Variants in SNRNP70 observed in about 807,000 individuals in gnomAD.
SNRNP70 encodes the protein U1 small nuclear ribonucleoprotein 70 kDa.
A neutral mutation model predicts 50.5 loss-of-function variants in SNRNP70; 8 were observed. That is an observed-to-expected ratio of 0.16 (90% CI 0.09 to 0.29). SNRNP70 has a LOEUF of 0.29. Among genes scored for constraint, SNRNP70 ranks in the 10% least tolerant of loss-of-function variants. SNRNP70 has a pLI of 1.00. For synonymous variants in SNRNP70, 320 were observed against 252.9 expected, an observed-to-expected ratio of 1.27 and a Z score of -2.52; for missense variants, 529 against 663.5, an observed-to-expected ratio of 0.80 and a Z score of 2.23.
At chr19:49,095,036 G>T (rs945254995) in intron 4 of SNRNP70, among the ~76,000 whole-genome samples, 1 of 152,256 alleles carries the variant, frequency 6.6e-6, no homozygotes, top group Non-Finnish European at 1.5e-5. Context: ...GCACGCATAC[G>T]CTGGCTGTGG....
chr19:49,097,560 T>C (rs1047816637), intron 4 of SNRNP70, among the ~76,000 whole-genome samples: 39 of 152,194 alleles, frequency 2.6e-4, no homozygotes, highest in Admixed American at 2.2e-3. Flanking sequence ...CCTTTTCTCA[T>C]GCTCTCCCAG....
At chr19:49,094,174 G>C (rs1450301641) in intron 4 of SNRNP70, among the ~76,000 whole-genome samples, 6 of 152,066 alleles carry the variant, frequency 3.9e-5, no homozygotes. Flanking sequence ...AAAAGCCTTT[G>C]TTAGAGACCA....
In SNRNP70 at chr19:49,085,768, C is replaced by T. The variant is rs556749621; in HGVS notation, c.-11+132C>T. ...CCCGCCACAGGTCCCTTCTGCATCC[C>T]TTTCCCGGACCCCGAAATCTCTGGG... On this transcript the variant is annotated intron_variant, in intron 1 of 9. Coordinates refer to ENST00000598441, the MANE Select transcript of SNRNP70 (RefSeq NM_003089.6). 36 of 395,064 alleles carry T rather than the reference C, an allele frequency of 9.1e-5. 1 individual carries two copies. The highest frequency in any genetic ancestry group is 5.6e-4 in the South Asian group (32 of 56,918). The allele number at this position is 395,064 out of a possible 1,614,324, so 24.5% of individuals were successfully genotyped here. A position where few individuals can be genotyped will look rare whatever the true frequency, so the allele number is the denominator to read the frequency against.
At chr19:49,092,889 T>C (rs79009280) in intron 4 of SNRNP70, among the ~76,000 whole-genome samples, 4,525 of 141,798 alleles carry the variant, frequency 0.032, 95 homozygotes, top group Middle Eastern at 0.066. Flanking sequence ...TGTCAGCCAT[T>C]GTGCTCAGCC....
Position 49,104,741 on chromosome 19 carries a change from C to A in SNRNP70, c.577+6C>A. On this transcript the variant is annotated splice_donor_region_variant and intron_variant, in intron 8 of 9. Coordinates refer to ENST00000598441, the MANE Select transcript of SNRNP70 (RefSeq NM_003089.6). This position sits in a 1 kb window ranked among gnomAD's most constrained non-coding sequence, Gnocchi z 5.4. ...CTGGAGGCCCCGGCGGCTAGGTGAG[C>A]ACATCCTGCCTTCGACGGGCTCTCG... 1 of 1,533,996 alleles carries A rather than the reference C, an allele frequency of 6.5e-7. No homozygotes were observed. Among genetic ancestry groups the A allele is most frequent in the Non-Finnish European group, 8.8e-7 (1 of 1,137,352 alleles).
intron 2 of SNRNP70, among the ~76,000 whole-genome samples, chr19:49,088,195 G>C (rs1204486504): frequency 1.4e-5 from 2 of 139,968 alleles, no homozygotes; most frequent in East Asian, 4.1e-4. Context: ...CTGGGAGCCA[G>C]GTACTTTTTT....
intron 4 of SNRNP70, among the ~76,000 whole-genome samples, chr19:49,091,979 A>G (rs112154162): frequency 6.6e-6 from 1 of 152,122 alleles, no homozygotes; most frequent in African/African-American, 2.4e-5. Flanking sequence ...ACCAAGACCT[A>G]TTTGTGTTAT....
At position 49,108,327 on chromosome 19, in the gene SNRNP70, G is replaced by A. The variant is rs754918904; in HGVS notation, c.1198G>A (p.Asp400Asn). ...GGCCCGAGGTGGGGGCGGTGGCCAGGACAACGGGCTGGAGGGTCTGGGCAA... is the reference window on the plus strand; with the variant it reads ...GGCCCGAGGTGGGGGCGGTGGCCAGAACAACGGGCTGGAGGGTCTGGGCAA... ...DEARGGGGGQ[D>N]NGLEGLGNDS... Residue 400 changes from aspartate (D) to asparagine (N), a missense_variant, in exon 10 of 10, where the codon GAC (aspartate) becomes AAC (asparagine). Around this residue, in one of 4 missense-constraint regions of SNRNP70, gnomAD observed 327 missense variants for 308.8 expected, o/e 1.06. Coordinates refer to ENST00000598441, the MANE Select transcript of SNRNP70 (RefSeq NM_003089.6). 4.4e-6 allele frequency: 7 copies of A among 1,600,338 alleles called. No individual in the cohort carries two copies. Among genetic ancestry groups the A allele is most frequent in the African/African-American group, 1.3e-5 (1 of 74,720 alleles).
At chr19:49,095,610 C>T (rs2040503240) in intron 4 of SNRNP70, among the ~76,000 whole-genome samples, 1 of 149,848 alleles carries the variant, frequency 6.7e-6, no homozygotes, top group African/African-American at 2.5e-5. Context: ...TCTCGGTTTA[C>T]TGCAACCTTC....
intron 4 of SNRNP70, among the ~76,000 whole-genome samples, chr19:49,094,566 C>T (rs560459009): frequency 1.3e-5 from 2 of 152,170 alleles, no homozygotes; most frequent in East Asian, 1.9e-4. Flanking sequence ...ATAATGGAAG[C>T]GGGCTCATGG....
At chr19:49,101,981 C>G (rs2040594410) in intron 7 of SNRNP70, 1 of 431,498 alleles carries the variant, frequency 2.3e-6, no homozygotes, top group Non-Finnish European at 4.6e-6. Flanking sequence ...GAGCGCCTGC[C>G]CCTACAGTTC....
intron 5 of SNRNP70, 63 bp downstream of exon 5, chr19:49,098,554 G>T: frequency 6.3e-7 from 1 of 1,597,290 alleles, no homozygotes; most frequent in East Asian, 2.2e-5. Context: ...CTGGCACAAA[G>T]GTCAAATAGG....
Position 49,108,257 on chromosome 19 carries a change from C to G in SNRNP70, c.1128C>G (p.Arg376=). Residue 376 remains arginine, a synonymous_variant, in exon 10 of 10, where the codon CGC becomes CGG. Coordinates refer to ENST00000598441, the MANE Select transcript of SNRNP70 (RefSeq NM_003089.6). ...GGGATCGTGACCGTGACCGTGACCG[C>G]GAGCACAAACGGGGGGAGCGGGGCA... ...RDRDRDRDRD[R]EHKRGERGSE... is the part of the protein sequence containing the mutation. 1 of 1,548,126 alleles carries G rather than the reference C, an allele frequency of 6.5e-7. No homozygotes were observed. The highest frequency in any genetic ancestry group is 8.7e-7 in the Non-Finnish European group (1 of 1,146,408).
intron 1 of SNRNP70, 23 bp downstream of exon 1, chr19:49,085,659 C>T (rs1162363038): frequency 2.2e-6 from 1 of 455,832 alleles, no homozygotes; most frequent in African/African-American, 2.0e-5. Context: ...GACTGAGTGG[C>T]CCGACGGGGT....
At chr19:49,106,419 T>G (rs2040669825) in intron 8 of SNRNP70, among the ~76,000 whole-genome samples, 1 of 152,204 alleles carries the variant, frequency 6.6e-6, no homozygotes. Flanking sequence ...TCTGCTGTTT[T>G]GTTTCTTAAG....
chr19:49,106,691 C>G (rs2040673544), intron 8 of SNRNP70, among the ~76,000 whole-genome samples: 1 of 152,216 alleles, frequency 6.6e-6, no homozygotes, highest in African/African-American at 2.4e-5. Context: ...CAGCCCAGTT[C>G]TGCACCTTCT....
chr19:49,086,502 C>T lies in SNRNP70; in HGVS notation c.88C>T (p.His30Tyr). 1 of 1,614,108 alleles carries T rather than the reference C, an allele frequency of 6.2e-7. No individual in the cohort carries two copies. The highest frequency in any genetic ancestry group is 8.5e-7 in the Non-Finnish European group (1 of 1,180,010). ...PYLPPLEKLP[H>Y]EKHHNQPYCG... ...CCTGCCACCCCTGGAGAAACTGCCA[C>T]ATGAAAAACACCACAATCAACCTTA... The change falls in exon 2 of 10, where the codon CAT (histidine) becomes TAT (tyrosine). Residue 30 changes from histidine (H) to tyrosine (Y), a missense_variant. His to Tyr is a moderately conservative substitution (Grantham distance 83). Transcript: ENST00000598441.
intron 3 of SNRNP70, 56 bp from the exon 4 acceptor site, chr19:49,090,410 G>T: frequency 6.2e-7 from 1 of 1,613,062 alleles, no homozygotes; most frequent in Non-Finnish European, 8.5e-7. Flanking sequence ...GATGATCCTT[G>T]ACACTAGGGC....
rs780537841 is a variant in SNRNP70, at chr19:49,107,608, C to T, written c.578-17C>T. 4 of 1,612,032 alleles carry T rather than the reference C, an allele frequency of 2.5e-6. No homozygotes were observed. Among genetic ancestry groups the T allele is most frequent in the Admixed American group, 3.3e-5 (2 of 59,984 alleles). On this transcript the variant is annotated splice_polypyrimidine_tract_variant and intron_variant, in intron 8 of 9. Transcript: ENST00000598441. The surrounding 1 kb of genome is among the most constrained non-coding windows in gnomAD (Gnocchi z 6.0). ...TCCCTGCCCAGATTCACCCTCTGTC[C>T]GTCTGCCCTGCCCCAGGAGGAGGCC...
Sources: allele counts gnomAD v4.1 joint callset (sites outside exome capture counted in the v4.1 genomes callset), GRCh38; gene constraint gnomAD v4.1.1; regional missense constraint gnomAD v4.1.1; non-coding constraint Gnocchi (gnomAD v3.1); transcripts MANE v1.5; gene names NCBI Gene and HGNC (gene_info 2026-07-23, HGNC 2026-07-21).